Variants in PHACTR4 observed in about 807,000 individuals in gnomAD.
PHACTR4 encodes protein phosphatase 1, regulatory subunit 124.
Under a neutral mutation model 72.7 loss-of-function variants are expected in PHACTR4, and 51 were observed. The observed-to-expected ratio is 0.70, with a 90% CI of 0.56 to 0.89. The LOEUF (loss-of-function observed/expected upper bound fraction) is 0.89, where lower values mean the gene tolerates loss of function less well. Ranked by LOEUF, PHACTR4 falls within the 40% of genes least tolerant of loss-of-function variation. The probability of loss-of-function intolerance (pLI) is 0.00; values close to 1 mark genes in which losing one functional copy is unlikely to be tolerated. For synonymous variants in PHACTR4, 255 were observed against 302.5 expected (o/e 0.84, Z 1.63); for missense variants, 731 against 861.8 (o/e 0.85, Z 1.90).
At chr1:28,412,387 T>C (rs1654844725) in intron 2 of PHACTR4, among the ~76,000 whole-genome samples, 1 of 152,204 alleles carries the variant, frequency 6.6e-6, no homozygotes, top group African/African-American at 2.4e-5. Flanking sequence ...ATAACCATCA[T>C]ACTTAGTATA....
intron 1 of PHACTR4, among the ~76,000 whole-genome samples, chr1:28,397,403 A>G (rs776030062): frequency 5.9e-5 from 9 of 152,202 alleles, no homozygotes; most frequent in African/African-American, 2.2e-4. Context: ...AACTTGTGCT[A>G]ATTTGTCCAA....
intron 7 of PHACTR4, among the ~76,000 whole-genome samples, chr1:28,474,471 C>A (rs1343871477): frequency 7.2e-6 from 1 of 139,194 alleles, no homozygotes; most frequent in Admixed American, 8.6e-5. Flanking sequence ...TGCAGTGAGC[C>A]AAGACTGTGC....
At chr1:28,455,683 G>A (rs990285639) in intron 2 of PHACTR4, among the ~76,000 whole-genome samples, 3 of 152,130 alleles carry the variant, frequency 2.0e-5, no homozygotes, top group Non-Finnish European at 4.4e-5. Context: ...CCTACCTCCT[G>A]GAGATTCTGT....
chr1:28,454,063 T>A (rs74354637), intron 2 of PHACTR4: 16,202 of 241,704 alleles, frequency 0.067, 1,303 homozygotes, highest in African/African-American at 0.23. Flanking sequence ...TAAAAAAAAA[T>A]TTTTTTTTTA....
chr1:28,446,443 T>C (rs965590906), intron 2 of PHACTR4, among the ~76,000 whole-genome samples: 9 of 152,208 alleles, frequency 5.9e-5, no homozygotes, highest in African/African-American at 2.2e-4. Flanking sequence ...ATCCACTTAG[T>C]ACTGTCCTCA....
At chr1:28,474,458 G>A (rs1251658840) in intron 7 of PHACTR4, among the ~76,000 whole-genome samples, 1 of 143,436 alleles carries the variant, frequency 7.0e-6, no homozygotes, top group African/African-American at 2.6e-5. Flanking sequence ...GGGAGGTGGA[G>A]GTTGCAGTGA....
Position 28,473,849 on chromosome 1 carries a change from G to A in PHACTR4, c.1119G>A (p.Glu373=). Residue 373 remains glutamate, a synonymous_variant, in exon 7 of 14, where the codon GAG becomes GAA. Transcript: ENST00000373839. Reference sequence around the variant, plus strand: ...CTTTTCAAGTTGTGCCAGAAATTGAGTTTCCACCATCCTTAGATCTACACC... The same window carrying A: ...CTTTTCAAGTTGTGCCAGAAATTGAATTTCCACCATCCTTAGATCTACACC... The part of the protein sequence containing the change: ...AKTFQVVPEI[E]FPPSLDLHQE... 1 of 1,571,724 alleles carries A rather than the reference G, an allele frequency of 6.4e-7. No individual in the cohort carries two copies. Among genetic ancestry groups the A allele is most frequent in the South Asian group, 1.1e-5 (1 of 88,556 alleles).
In PHACTR4 at chr1:28,429,036, C is replaced by T. The variant is rs908472797; in HGVS notation, c.16+21573C>T. ...CTAGAAGTGGAGGCAAGGGAGGGAA[C>T]AAGAGTTACAGCGTTTGATGTAGAA... On this transcript the variant is annotated intron_variant, in intron 2 of 13. Coordinates refer to ENST00000373839, the MANE Select transcript of PHACTR4 (RefSeq NM_001048183.3). Among the ~76,000 whole-genome samples the T allele has an allele frequency of 5.3e-5, 8 of 152,166 alleles. No homozygotes were observed. The East Asian group carries it at 1.5e-3, about 29-fold the overall frequency.
intron 1 of PHACTR4, among the ~76,000 whole-genome samples, chr1:28,376,532 T>C (rs965817670): frequency 6.6e-6 from 1 of 151,814 alleles, no homozygotes; most frequent in East Asian, 2.0e-4. Flanking sequence ...TCTCATTATG[T>C]TGCCCAGACC....
At chr1:28,416,469 G>A (rs958806488) in intron 2 of PHACTR4, among the ~76,000 whole-genome samples, 5 of 152,140 alleles carry the variant, frequency 3.3e-5, no homozygotes, top group Non-Finnish European at 7.4e-5. Context: ...CAAATTCTGT[G>A]AACCTGAATA....
chr1:28,491,123 C>A, intron 11 of PHACTR4, 111 bp downstream of exon 11: 1 of 1,079,730 alleles, frequency 9.3e-7, no homozygotes, highest in Non-Finnish European at 1.4e-6. Context: ...AATCCCAGCA[C>A]TTTGGAAGGC....
intron 2 of PHACTR4, among the ~76,000 whole-genome samples, chr1:28,458,745 C>G (rs1339090802): frequency 6.6e-6 from 1 of 152,182 alleles, no homozygotes; most frequent in East Asian, 1.9e-4. Flanking sequence ...CAGGAATTCC[C>G]TGCCTCAGTA....
intron 2 of PHACTR4, among the ~76,000 whole-genome samples, chr1:28,411,891 A>G (rs1012389083): frequency 6.6e-6 from 1 of 151,988 alleles, no homozygotes; most frequent in Non-Finnish European, 1.5e-5. Context: ...GAAAGAAAGA[A>G]CGAATGAACA....
At chr1:28,436,785 G>A (rs929197187) in intron 2 of PHACTR4, among the ~76,000 whole-genome samples, 7 of 152,036 alleles carry the variant, frequency 4.6e-5, no homozygotes, top group South Asian at 2.1e-4. Flanking sequence ...AGTTAGTTAC[G>A]GATAAAAAAG....
At chr1:28,391,567 G>T (rs1392991570) in intron 1 of PHACTR4, among the ~76,000 whole-genome samples, 1 of 144,738 alleles carries the variant, frequency 6.9e-6, no homozygotes, top group African/African-American at 2.5e-5. Context: ...GAAATCTGTT[G>T]TACAACATAG....
intron 2 of PHACTR4, among the ~76,000 whole-genome samples, chr1:28,412,430 A>T (rs1169431504): frequency 6.6e-6 from 1 of 152,264 alleles, no homozygotes; most frequent in Non-Finnish European, 1.5e-5. Flanking sequence ...CTGTTTCATC[A>T]TAAACAGTAA....
At chr1:28,457,715 T>C in intron 2 of PHACTR4, 2 of 507,538 alleles carry the variant, frequency 3.9e-6, no homozygotes, top group Non-Finnish European at 5.1e-6. Context: ...TGAAATTGTT[T>C]ACAGTCAACA....
chr1:28,482,450 C>A (rs540952001), intron 9 of PHACTR4, among the ~76,000 whole-genome samples: 1 of 152,204 alleles, frequency 6.6e-6, no homozygotes, highest in East Asian at 1.9e-4. Flanking sequence ...TATAGAGAAA[C>A]TGAATGCAAG....
intron 2 of PHACTR4, among the ~76,000 whole-genome samples, chr1:28,440,335 T>C (rs1656922618): frequency 1.4e-5 from 2 of 145,504 alleles, no homozygotes; most frequent in African/African-American, 2.5e-5. Context: ...AAAGTTCATC[T>C]GAGTAACGTT....
Sources: allele counts gnomAD v4.1 joint callset (sites outside exome capture counted in the v4.1 genomes callset), GRCh38; gene constraint gnomAD v4.1.1; transcripts MANE v1.5; gene names NCBI Gene and HGNC (gene_info 2026-07-23, HGNC 2026-07-21).